Variants in MBD5 observed in about 807,000 individuals in gnomAD.
MBD5 encodes methyl-CpG binding domain protein 5, also known as methyl-CpG-binding domain protein 5.
In MBD5, 13 loss-of-function variants were observed where a neutral mutation model predicts 117.3. The ratio of observed to expected loss-of-function variants is 0.11; its 90% confidence interval spans 0.07 to 0.18. The LOEUF (loss-of-function observed/expected upper bound fraction) is 0.18, where lower values mean the gene tolerates loss of function less well. MBD5 is among the 10% of genes least tolerant of loss of function. The pLI is 1.00. For missense variants in MBD5, 1,879 were observed against 2,093.8 expected, an observed-to-expected ratio of 0.90 and a Z score of 2.00; for synonymous variants, 727 against 766.4, an observed-to-expected ratio of 0.95 and a Z score of 0.85.
chr2:148,223,482 CT>C (rs1254564596), intron 2 of MBD5, among the ~76,000 whole-genome samples: 2 of 152,004 alleles, frequency 1.3e-5, no homozygotes, highest in African/African-American at 4.8e-5. Flanking sequence ...ATGGTTTAAT[CT>C]TGGTATGTTG....
chr2:148,386,056 C>G (rs1011819499), intron 4 of MBD5, among the ~76,000 whole-genome samples: 3 of 151,352 alleles, frequency 2.0e-5, no homozygotes, highest in Non-Finnish European at 2.9e-5. Context: ...CACATGTATA[C>G]ATATGTAACA....
rs115146148 is a variant in MBD5, at chr2:148,415,701, C to T, written c.-556-42502C>T. ...TTATTTTTGTCTGACTGAGTTATTT[C>T]GCAGAACCAGTCTGCAAGCTCTGAG... On this transcript the variant is annotated intron_variant, in intron 4 of 13. Coordinates refer to ENST00000642680, the MANE Select transcript of MBD5 (RefSeq NM_001378120.1). Among the ~76,000 whole-genome samples the T allele has an allele frequency of 9.1e-3, 1,388 of 152,096 alleles. 23 individuals are homozygous for T. Among genetic ancestry groups the T allele is most frequent in the African/African-American group, 0.03 (1,262 of 41,490 alleles).
intron 3 of MBD5, among the ~76,000 whole-genome samples, chr2:148,279,024 A>T (rs1421687967): frequency 6.6e-6 from 1 of 152,148 alleles, no homozygotes; most frequent in Non-Finnish European, 1.5e-5. Flanking sequence ...AAGCGATTGG[A>T]TGGTGCCCAC....
chr2:148,323,430 C>T (rs1347944398), intron 3 of MBD5, among the ~76,000 whole-genome samples: 21 of 151,860 alleles, frequency 1.4e-4, no homozygotes, highest in African/African-American at 4.6e-4. Context: ...CACTGACTTC[C>T]ACAACGGTTG....
intron 1 of MBD5, among the ~76,000 whole-genome samples, chr2:148,034,843 A>C (rs1694143941): frequency 6.6e-6 from 1 of 152,176 alleles, no homozygotes; most frequent in Non-Finnish European, 1.5e-5. Flanking sequence ...CACTCTTCTA[A>C]TTACTATTAC....
chr2:148,272,564 T>C (rs1378397154), intron 3 of MBD5, among the ~76,000 whole-genome samples: 2 of 152,228 alleles, frequency 1.3e-5, no homozygotes, highest in Non-Finnish European at 2.9e-5. Context: ...ATATACCTAT[T>C]CACCATTTGT....
chr2:148,150,927 C>G (rs1294176801), intron 1 of MBD5, among the ~76,000 whole-genome samples: 2 of 151,972 alleles, frequency 1.3e-5, no homozygotes, highest in East Asian at 3.9e-4. Context: ...ATTGAATACC[C>G]TTTATTTCCT....
At chr2:148,279,348 T>C (rs1038376508) in intron 3 of MBD5, among the ~76,000 whole-genome samples, 3 of 152,188 alleles carry the variant, frequency 2.0e-5, no homozygotes, top group Admixed American at 2.0e-4. Flanking sequence ...CAGGATCGTT[T>C]AAGCACAGGA....
At chr2:148,350,562 A>G (rs915075365) in intron 4 of MBD5, among the ~76,000 whole-genome samples, 2 of 152,056 alleles carry the variant, frequency 1.3e-5, no homozygotes, top group African/African-American at 4.8e-5. Context: ...TGGAAAAATC[A>G]AAATAATTTT....
At chr2:148,054,498 G>T (rs910788397) in intron 1 of MBD5, 2 of 152,168 alleles carry the variant, frequency 1.3e-5, no homozygotes, top group African/African-American at 4.8e-5. Context: ...TCTAAAATGT[G>T]TCCCATGAAT....
At chr2:148,294,500 A>AGTTTTTTTTTTTTTGTTTTTTTTTTTTT (rs1202949593) in intron 3 of MBD5, among the ~76,000 whole-genome samples, 14 of 8,700 alleles carry the variant, frequency 1.6e-3, no homozygotes, top group Admixed American at 7.4e-3. Context: ...CTGGGATTAC[A>AGTTTTTTTTTTTTTGTTTTTTTTTTTTT]GTTTTTTTTT....
At chr2:148,290,799 T>C (rs1473341258) in intron 3 of MBD5, among the ~76,000 whole-genome samples, 1 of 152,224 alleles carries the variant, frequency 6.6e-6, no homozygotes, top group African/African-American at 2.4e-5. Context: ...TTAGCTATAG[T>C]GAATAATAAT....
At chr2:148,149,972 T>C (rs892243226) in intron 1 of MBD5, among the ~76,000 whole-genome samples, 5 of 140,388 alleles carry the variant, frequency 3.6e-5, no homozygotes, top group African/African-American at 1.1e-4. Context: ...ATTTTGGCTT[T>C]TGTTGCCATT....
At chr2:148,034,228 A>T (rs952249089) in intron 1 of MBD5, among the ~76,000 whole-genome samples, 1 of 152,212 alleles carries the variant, frequency 6.6e-6, no homozygotes, top group African/African-American at 2.4e-5. Flanking sequence ...ACAGTTTACT[A>T]AATTTATCTA....
chr2:148,490,983 G>A (rs1022068922), intron 11 of MBD5, among the ~76,000 whole-genome samples: 1 of 152,202 alleles, frequency 6.6e-6, no homozygotes, highest in African/African-American at 2.4e-5. Context: ...CAGGAGTGTG[G>A]CAGGGGTAAG....
At chr2:148,209,045 C>T (rs905474687) in intron 2 of MBD5, among the ~76,000 whole-genome samples, 3 of 152,112 alleles carry the variant, frequency 2.0e-5, no homozygotes, top group Non-Finnish European at 2.9e-5. Context: ...TTTTCATTGG[C>T]ATTGGCATAA....
intron 3 of MBD5, among the ~76,000 whole-genome samples, chr2:148,258,869 C>T (rs6747581): frequency 6.6e-6 from 1 of 152,162 alleles, no homozygotes; most frequent in Non-Finnish European, 1.5e-5. Context: ...GGCGCAGACC[C>T]CTTGGTCCTG....
chr2:148,124,311 AC>A (rs1450787192), intron 1 of MBD5, among the ~76,000 whole-genome samples: 10 of 150,550 alleles, frequency 6.6e-5, no homozygotes, highest in African/African-American at 9.7e-5. Flanking sequence ...ACACACACAC[AC>A]AAAAAACAAG....
intron 4 of MBD5, among the ~76,000 whole-genome samples, chr2:148,426,081 A>G (rs1241227563): frequency 3.3e-5 from 5 of 152,324 alleles, no homozygotes; most frequent in Middle Eastern, 6.8e-3. Flanking sequence ...ATACCTAGGA[A>G]TCCAACTTAC....
Sources: gnomAD v4.1 joint callset for allele counts (sites outside exome capture counted in the v4.1 genomes callset) on GRCh38, gnomAD v4.1.1 for gene constraint, MANE v1.5 for transcripts, NCBI Gene and HGNC (gene_info 2026-07-23, HGNC 2026-07-21) for gene names.